The following TMEM178B variants were observed in gnomAD, a reference collection of about 807,000 sequenced individuals.
TMEM178B encodes transmembrane protein 178B.
A neutral mutation model predicts 31.0 loss-of-function variants in TMEM178B; 5 were observed. That is an observed-to-expected ratio of 0.16 (90% CI 0.08 to 0.34). The LOEUF is 0.34. TMEM178B is among the 10% of genes least tolerant of loss of function. The pLI is 1.00. For synonymous variants in TMEM178B, 164 were observed against 164.0 expected, an observed-to-expected ratio of 1.00 and a Z score of 0.00; for missense variants, 275 against 400.3, an observed-to-expected ratio of 0.69 and a Z score of 2.67.
At chr7:141,077,772 A>G (rs1207705305) in intron 1 of TMEM178B, among the ~76,000 whole-genome samples, 1 of 152,250 alleles carries the variant, frequency 6.6e-6, no homozygotes, top group Non-Finnish European at 1.5e-5. Flanking sequence ...TTGTGTGAGA[A>G]TTTAAGTAAA....
At chr7:141,087,675 A>G (rs1794810665) in intron 1 of TMEM178B, among the ~76,000 whole-genome samples, 1 of 152,218 alleles carries the variant, frequency 6.6e-6, no homozygotes, top group Admixed American at 6.5e-5. Flanking sequence ...TGTCTTCTTT[A>G]GCAGTTTTCA....
At chr7:141,144,398 A>G (rs926597017) in intron 1 of TMEM178B, among the ~76,000 whole-genome samples, 3 of 152,208 alleles carry the variant, frequency 2.0e-5, no homozygotes, top group Non-Finnish European at 2.9e-5. Context: ...TGCCAAAAAT[A>G]AAATAAAAAG....
At chr7:141,281,098 C>CT (rs552255281) in intron 2 of TMEM178B, among the ~76,000 whole-genome samples, 87 of 145,960 alleles carry the variant, frequency 6.0e-4, no homozygotes, top group Admixed American at 1.2e-3. Context: ...TGTGAAGGGC[C>CT]TTTTTTTTTT....
chr7:141,448,238 A>G (rs553014794), intron 3 of TMEM178B, among the ~76,000 whole-genome samples: 1 of 152,238 alleles, frequency 6.6e-6, no homozygotes, highest in African/African-American at 2.4e-5. Context: ...GAGAGAATGT[A>G]CCTTGAAAAA....
At chr7:141,396,985 T>C (rs891740255) in intron 2 of TMEM178B, among the ~76,000 whole-genome samples, 3 of 152,184 alleles carry the variant, frequency 2.0e-5, no homozygotes, top group Non-Finnish European at 4.4e-5. Flanking sequence ...TCATCAAAAT[T>C]GAGCTTGGTT....
At chr7:141,190,819 C>G (rs1396885574) in intron 1 of TMEM178B, among the ~76,000 whole-genome samples, 1 of 152,206 alleles carries the variant, frequency 6.6e-6, no homozygotes, top group Non-Finnish European at 1.5e-5. Context: ...CTTCTGTAGA[C>G]AACCAATATT....
chr7:141,354,505 A>G (rs1799786039), intron 2 of TMEM178B, among the ~76,000 whole-genome samples: 1 of 152,202 alleles, frequency 6.6e-6, no homozygotes, highest in South Asian at 2.1e-4. Flanking sequence ...CAGGAAAATG[A>G]GATGTTCAGG....
intron 1 of TMEM178B, among the ~76,000 whole-genome samples, chr7:141,141,616 G>A (rs1656189253): frequency 6.6e-6 from 1 of 152,136 alleles, no homozygotes; most frequent in Admixed American, 6.5e-5. Flanking sequence ...CACCCACAGT[G>A]CCTAATACAT....
chr7:141,215,337 A>ATTATTTTT (rs55726735), intron 2 of TMEM178B, among the ~76,000 whole-genome samples: 20 of 141,546 alleles, frequency 1.4e-4, no homozygotes, highest in Admixed American at 3.6e-4. Context: ...TATTATTATT[A>ATTATTTTT]TTTTTTGAGA....
At chr7:141,398,343 A>G (rs1167603265) in intron 2 of TMEM178B, among the ~76,000 whole-genome samples, 2 of 152,100 alleles carry the variant, frequency 1.3e-5, no homozygotes, top group Non-Finnish European at 2.9e-5. Context: ...AACATTGAGG[A>G]TGGAGGGATC....
intron 2 of TMEM178B, among the ~76,000 whole-genome samples, chr7:141,424,248 C>CA (rs1169242603): frequency 5.3e-5 from 8 of 152,030 alleles, no homozygotes; most frequent in Admixed American, 4.6e-4. Context: ...GCATCACATG[C>CA]AAAAAAGGCA....
At position 141,436,218 on chromosome 7, in the gene TMEM178B, A is replaced by G. The variant is rs147417516; in HGVS notation, c.497-1390A>G. Among the ~76,000 whole-genome samples, 520 of 152,292 alleles carry G rather than the reference A, an allele frequency of 3.4e-3. 3 individuals are homozygous for G. The highest frequency in any genetic ancestry group is 0.012 in the African/African-American group (492 of 41,562). On this transcript the variant is annotated intron_variant, in intron 2 of 3. Coordinates refer to ENST00000565468, the MANE Select transcript of TMEM178B (RefSeq NM_001195278.2). ...ATGGGACCTGGACACCTTTTGAGGT[A>G]TGTGGTCTCTGAGGTATTCTCCAAA...
At chr7:141,143,005 T>A (rs942955461) in intron 1 of TMEM178B, among the ~76,000 whole-genome samples, 7 of 152,268 alleles carry the variant, frequency 4.6e-5, no homozygotes, top group Non-Finnish European at 1.0e-4. Context: ...GTTTGTTTGT[T>A]GGCTGCAAAT....
chr7:141,508,707 T>G, the TMEM178B span, among the ~76,000 whole-genome samples: 68 of 152,242 alleles, frequency 4.5e-4, no homozygotes, highest in African/African-American at 1.6e-3. Context: ...GAAGCAAAAG[T>G]GGAAACCCCT....
At chr7:141,316,092 G>T (rs1799000986) in intron 2 of TMEM178B, among the ~76,000 whole-genome samples, 1 of 152,132 alleles carries the variant, frequency 6.6e-6, no homozygotes, top group Non-Finnish European at 1.5e-5. Flanking sequence ...TCATATGTTT[G>T]AACTCTAGGG....
chr7:141,142,685 G>T (rs1250753033), intron 1 of TMEM178B, among the ~76,000 whole-genome samples: 2 of 152,194 alleles, frequency 1.3e-5, no homozygotes, highest in Non-Finnish European at 2.9e-5. Flanking sequence ...GGGATTACAG[G>T]CGTGAGCCAC....
At chr7:141,201,185 G>A (rs1183165763) in intron 1 of TMEM178B, among the ~76,000 whole-genome samples, 1 of 152,208 alleles carries the variant, frequency 6.6e-6, no homozygotes, top group East Asian at 1.9e-4. Context: ...GACAGCACCG[G>A]CACACAGCAG....
rs1395993991 is a variant in TMEM178B at position 141,476,945 on chromosome 7, T to A, written c.*6159T>A. 1 of 154,820 alleles carries A rather than the reference T, an allele frequency of 6.5e-6. No individual in the cohort carries two copies. Among genetic ancestry groups the A allele is most frequent in the Non-Finnish European group, 1.5e-5 (1 of 68,230 alleles). 9.6% of individuals were successfully genotyped at this position (154,820 alleles called of 1,614,324 possible). A position where few individuals can be genotyped will look rare whatever the true frequency, so the allele number is the denominator to read the frequency against. On this transcript the variant is annotated 3_prime_UTR_variant, in exon 4 of 4. Coordinates refer to ENST00000565468, the MANE Select transcript of TMEM178B (RefSeq NM_001195278.2). The stretch of plus-strand genomic sequence containing the variant: ...ACATGAAGAGTTGCACAGCAGTAGT[T>A]CGAAGAAGCTGGCATCTCTTTGGCA...
chr7:141,458,817 A>G (rs187415726), intron 3 of TMEM178B, among the ~76,000 whole-genome samples: 150 of 152,334 alleles, frequency 9.8e-4, no homozygotes, highest in African/African-American at 3.5e-3. Flanking sequence ...CCAAAATCCA[A>G]GGTGTCCATT....
Sources: allele counts gnomAD v4.1 joint callset (sites outside exome capture counted in the v4.1 genomes callset), GRCh38; gene constraint gnomAD v4.1.1; transcripts MANE v1.5; gene names NCBI Gene and HGNC (gene_info 2026-07-23, HGNC 2026-07-21).